The following USP48 variants were observed in gnomAD, a reference collection of about 807,000 sequenced individuals.
USP48 encodes the protein ubiquitin specific peptidase 48.
In USP48, 43 loss-of-function variants were observed where a neutral mutation model predicts 150.7. The ratio of observed to expected loss-of-function variants is 0.29; its 90% CI spans 0.22 to 0.37. The LOEUF (loss-of-function observed/expected upper bound fraction) is 0.37, where lower values mean the gene tolerates loss of function less well. Ranked by LOEUF, USP48 falls within the 10% of genes least tolerant of loss-of-function variation. The pLI is 1.00. For missense variants in USP48, 813 were observed against 1,249.6 expected, an observed-to-expected ratio of 0.65 and a Z score of 5.27; for synonymous variants, 396 against 425.9, an observed-to-expected ratio of 0.93 and a Z score of 0.86.
intron 6 of USP48, among the ~76,000 whole-genome samples, chr1:21,749,535 G>A (rs1277352441): frequency 1.3e-5 from 2 of 152,062 alleles, no homozygotes; most frequent in African/African-American, 4.8e-5. Context: ...AAAAACCTTA[G>A]TAATCCTTGA....
intron 14 of USP48, among the ~76,000 whole-genome samples, chr1:21,718,352 A>T (rs187008402): frequency 2.5e-4 from 38 of 152,348 alleles, no homozygotes; most frequent in African/African-American, 9.1e-4. Flanking sequence ...CAGTGATTGT[A>T]TCTGGTGGGA....
chr1:21,687,056 A>T, intron 25 of USP48, 135 bp downstream of exon 25: 1 of 791,858 alleles, frequency 1.3e-6, no homozygotes, highest in Non-Finnish European at 2.1e-6. Context: ...AAGATAATGT[A>T]TTCTACTGTA....
intron 1 of USP48, among the ~76,000 whole-genome samples, chr1:21,780,510 C>G (rs1404853751): frequency 1.3e-5 from 2 of 151,734 alleles, no homozygotes; most frequent in Non-Finnish European, 2.9e-5. Context: ...TGAAACCCAC[C>G]GAATTGTGCA....
chr1:21,771,203 GTC>G, intron 1 of USP48, among the ~76,000 whole-genome samples: 1 of 151,638 alleles, frequency 6.6e-6, no homozygotes, highest in South Asian at 2.1e-4. Context: ...GTGAAACCCC[GTC>G]TCTACTAAAA....
rs1257385209 is a variant in USP48 at position 21,679,400 on chromosome 1, C to T, written c.*17G>A. Reference sequence around the variant, plus strand: ...TCCCCTCTGGTCATTTCTTAGCAGTCAGCAAGTATTCAAAGATTAATGTCC... The same window carrying T: ...TCCCCTCTGGTCATTTCTTAGCAGTTAGCAAGTATTCAAAGATTAATGTCC... On this transcript the variant is annotated 3_prime_UTR_variant, in exon 27 of 27. Coordinates refer to ENST00000308271, the MANE Select transcript of USP48 (RefSeq NM_032236.8). 1.9e-6 allele frequency: 3 copies of T among 1,613,964 alleles called. No individual in the cohort carries two copies. The African/African-American group carries it at 4.0e-5, about 22-fold the overall frequency.
At chr1:21,725,962 T>C (rs1466517862) in intron 11 of USP48, among the ~76,000 whole-genome samples, 1 of 152,164 alleles carries the variant, frequency 6.6e-6, no homozygotes, top group African/African-American at 2.4e-5. Flanking sequence ...ATCAAAGTCT[T>C]AGCATACTCT....
At chr1:21,721,197 A>T in intron 13 of USP48, 31 bp from the exon 14 acceptor site, 1 of 1,611,366 alleles carries the variant, frequency 6.2e-7, no homozygotes, top group Non-Finnish European at 8.5e-7. Flanking sequence ...TAAATCATAT[A>T]AGTAATATTT....
At chr1:21,715,754 T>C (rs2097702396) in intron 14 of USP48, among the ~76,000 whole-genome samples, 1 of 152,254 alleles carries the variant, frequency 6.6e-6, no homozygotes. Flanking sequence ...GTATCGAGAA[T>C]ACTGTGTCAT....
chr1:21,690,161 T>C (rs1330520287), intron 23 of USP48, 62 bp from the exon 24 acceptor site: 1 of 1,456,322 alleles, frequency 6.9e-7, no homozygotes, highest in African/African-American at 1.5e-5. Flanking sequence ...TATACCCTAT[T>C]TAAATAAATT....
intron 22 of USP48, among the ~76,000 whole-genome samples, chr1:21,698,264 G>T (rs1388030617): frequency 1.3e-5 from 2 of 152,014 alleles, no homozygotes; most frequent in Non-Finnish European, 2.9e-5. Flanking sequence ...TTGTGAGAAA[G>T]CAAAATGTAA....
At chr1:21,701,744 C>A in intron 21 of USP48, 142 bp from the exon 22 acceptor site, 1 of 617,774 alleles carries the variant, frequency 1.6e-6, no homozygotes, top group South Asian at 1.9e-5. Flanking sequence ...GAGAGTGGAT[C>A]AAGAATCAAG....
intron 9 of USP48, 69 bp downstream of exon 9, chr1:21,736,377 T>G: frequency 7.1e-7 from 1 of 1,416,410 alleles, no homozygotes; most frequent in Non-Finnish European, 9.5e-7. Context: ...GCCATAATAA[T>G]TTATCACAAA....
rs114861202 is a variant in USP48, at chr1:21,727,129, T to C, written c.1450+1441A>G. Among the ~76,000 whole-genome samples the C allele has an allele frequency of 1.5e-3, 221 of 152,230 alleles. 2 individuals carry two copies. The highest frequency in any genetic ancestry group is 5.2e-3 in the African/African-American group (214 of 41,520). On this transcript the variant is annotated intron_variant, in intron 11 of 26. Coordinates refer to ENST00000308271, the MANE Select transcript of USP48 (RefSeq NM_032236.8). The stretch of plus-strand genomic sequence containing the variant: ...AGCACGTTCCTACTGAGGCTTAGAT[T>C]TTAGGGTAAGTGATCTTTGTTTTTT...
At chr1:21,747,409 C>T (rs901903504) in intron 7 of USP48, among the ~76,000 whole-genome samples, 5 of 152,164 alleles carry the variant, frequency 3.3e-5, no homozygotes, top group African/African-American at 7.2e-5. Context: ...AACAGATTAT[C>T]CTGCTTTACA....
chr1:21,758,185 AACACACACACACACACACAC>A (rs149088635), intron 1 of USP48, among the ~76,000 whole-genome samples: 1 of 141,350 alleles, frequency 7.1e-6, no homozygotes, highest in Non-Finnish European at 1.5e-5. Flanking sequence ...GCAACTGTAA[AACACACACACACACACACAC>A]ACACACACAC....
Position 21,728,621 on chromosome 1 carries a change from C to T in USP48, c.1399G>A (p.Ala467Thr). 1 of 1,614,208 alleles carries T rather than the reference C, an allele frequency of 6.2e-7. No individual in the cohort carries two copies. Among genetic ancestry groups the T allele is most frequent in the Non-Finnish European group, 8.5e-7 (1 of 1,180,040 alleles). The change falls in exon 11 of 27, where the codon GCA (alanine) becomes ACA (threonine). Residue 467 changes from alanine to threonine, a missense_variant. Ala to Thr is a moderately conservative substitution (Grantham distance 58, BLOSUM62 0). Coordinates refer to ENST00000308271, the MANE Select transcript of USP48 (RefSeq NM_032236.8). ...AGCTCCTTAACCTCTTCGTGTTTTG[C>T]TTTTCCTTTATCCACACTTTGCTTA... is the stretch of plus-strand genomic sequence containing the variant. Reference protein sequence around the residue: ...MRKQSVDKGKAKHEEVKELYQ... With the variant: ...MRKQSVDKGKTKHEEVKELYQ...
chr1:21,708,900 AAAGAAAGAAAAG>A lies in USP48; in HGVS notation c.1964-2044_1964-2033del, dbSNP rs1557465762. 2.4e-4 allele frequency among the ~76,000 whole-genome samples: 14 copies of A among 58,984 alleles called. 5 individuals carry two copies. The highest frequency in any genetic ancestry group is 4.5e-4 in the Admixed American group (2 of 4,458). The allele number at this position is 58,984 out of a possible 152,430, so 38.7% of individuals were successfully genotyped here. ...ACTCCGTCTCAAAAAAAAAAAAAAA[AAAGAAAGAAAAG>A]AAAAGAAAAGAAAAGAAAACAGAGT... On this transcript the variant is annotated intron_variant, in intron 15 of 26. Transcript: ENST00000308271.
intron 6 of USP48, among the ~76,000 whole-genome samples, chr1:21,748,736 C>T (rs2097801599): frequency 6.6e-6 from 1 of 152,168 alleles, no homozygotes; most frequent in South Asian, 2.1e-4. Context: ...CCAGGTGAAA[C>T]CCCGTCTCTA....
intron 1 of USP48, among the ~76,000 whole-genome samples, chr1:21,778,913 C>A (rs1405569417): frequency 6.6e-6 from 1 of 152,022 alleles, no homozygotes; most frequent in African/African-American, 2.4e-5. Context: ...TCCCGAGTAG[C>A]TGGGACTACA....
Sources: allele counts gnomAD v4.1 joint callset (sites outside exome capture counted in the v4.1 genomes callset), GRCh38; gene constraint gnomAD v4.1.1; transcripts MANE v1.5; gene names NCBI Gene and HGNC (gene_info 2026-07-23, HGNC 2026-07-21).